The following CES3 variants were observed in gnomAD, a reference collection of about 807,000 sequenced individuals.
CES3 encodes carboxylesterase 3.
A neutral mutation model predicts 57.6 loss-of-function variants in CES3; 49 were observed. The observed-to-expected ratio is 0.85, with a 90% CI of 0.68 to 1.08. The LOEUF (loss-of-function observed/expected upper bound fraction) is 1.08. CES3 is among the 50% of genes least tolerant of loss of function. The pLI is 0.00. For missense variants in CES3, 645 were observed against 742.0 expected, an observed-to-expected ratio of 0.87 and a Z score of 1.52; for synonymous variants, 266 against 281.6, an observed-to-expected ratio of 0.94 and a Z score of 0.55.
rs1963891684 is a variant in CES3, at chr16:66,974,055, G to C, written c.*1006G>C. ...AGAAAAGAAGAGACCCACCCACTCG[G>C]GCTGCAAAAGGTGAAAAGCACCAAG... On this transcript the variant is annotated 3_prime_UTR_variant, in exon 13 of 13. Coordinates refer to ENST00000303334, the MANE Select transcript of CES3 (RefSeq NM_024922.6). The C allele has an allele frequency of 6.6e-6, 1 of 152,542 alleles. No individual in the cohort carries two copies. The highest frequency in any genetic ancestry group is 6.5e-5 in the Admixed American group (1 of 15,288). The allele number at this position is 152,542 out of a possible 1,614,324, so 9.4% of individuals were successfully genotyped here.
Position 66,966,791 on chromosome 16 carries a change from A to C in CES3, c.988A>C (p.Lys330Gln). 1 of 1,614,146 alleles carries C rather than the reference A, an allele frequency of 6.2e-7. No individual in the cohort carries two copies. Among genetic ancestry groups the C allele is most frequent in the South Asian group, 1.1e-5 (1 of 91,082 alleles). The change falls in exon 8 of 13, where the codon AAG becomes CAG. Residue 330 changes from lysine to glutamine, a missense_variant. Transcript: ENST00000303334. ...VFPKSPKELL[K>Q]EKPFHSVPFL... ...CCCCAAAAGCCCCAAGGAACTCCTG[A>C]AGGAGAAGCCCTTCCACTCTGTGCC... is the stretch of plus-strand genomic sequence containing the variant.
At chr16:66,966,955 G>T in intron 8 of CES3, 90 bp downstream of exon 8, 1 of 1,463,500 alleles carries the variant, frequency 6.8e-7, no homozygotes. Flanking sequence ...TGTGAACGGA[G>T]CACTCCCGTT....
intron 8 of CES3, among the ~76,000 whole-genome samples, chr16:66,967,087 G>T (rs1400844029): frequency 6.6e-6 from 1 of 151,634 alleles, no homozygotes; most frequent in Non-Finnish European, 1.5e-5. Context: ...TTGTTTGTTT[G>T]TTTGTTTGTT....
rs139761285 is a variant in CES3, at chr16:66,973,216, C to T, written c.*167C>T. The stretch of plus-strand genomic sequence containing the variant: ...ATGCTCTTTTGAAATGTCACAAGGC[C>T]GCCTCCCACCTCTGGGGCATTGTAC... On this transcript the variant is annotated 3_prime_UTR_variant, in exon 13 of 13. Coordinates refer to ENST00000303334, the MANE Select transcript of CES3 (RefSeq NM_024922.6). 6.1e-4 allele frequency: 387 copies of T among 633,576 alleles called. 1 individual carries two copies. The highest frequency in any genetic ancestry group is 5.4e-3 in the African/African-American group (295 of 54,514). 39.2% of individuals were successfully genotyped at this position (633,576 alleles called of 1,614,324 possible). A position where few individuals can be genotyped will look rare whatever the true frequency, so the allele number is the denominator to read the frequency against.
At chr16:66,964,544 A>C in intron 5 of CES3, 34 bp downstream of exon 5, 1 of 1,612,498 alleles carries the variant, frequency 6.2e-7, no homozygotes, top group Non-Finnish European at 8.5e-7. Context: ...GATGGTGGCC[A>C]GGAGGGCTCC....
rs201368885 is a variant in CES3 at position 66,966,250 on chromosome 16, G to T, written c.826G>T (p.Ala276Ser). 1 of 1,612,864 alleles carries T rather than the reference G, an allele frequency of 6.2e-7. No homozygotes were observed. Among genetic ancestry groups the T allele is most frequent in the Non-Finnish European group, 8.5e-7 (1 of 1,179,872 alleles). Residue 276 changes from alanine to serine, a missense_variant, in exon 7 of 13, where the codon GCA (alanine) becomes TCA (serine). Ala to Ser is a moderately conservative substitution (Grantham distance 99, BLOSUM62 1). Coordinates refer to ENST00000303334, the MANE Select transcript of CES3 (RefSeq NM_024922.6). ...SHPWPLAQKI[A>S]NTLACSSSSP... ...CTCTTTCATTTGTCCCCAGAAAATC[G>T]CAAACACCTTGGCCTGCAGCTCCAG...
Position 66,974,736 on chromosome 16 carries a change from A to G in CES3, c.*1687A>G, listed in dbSNP as rs370725860. On this transcript the variant is annotated 3_prime_UTR_variant, in exon 13 of 13. Transcript: ENST00000303334. ...GAGAACCTTTATGTCTAGCTAAGGG[A>G]TTGTAAATACACCGATGGGCACTCT... The G allele has an allele frequency of 6.6e-6, 1 of 152,568 alleles. No individual in the cohort carries two copies. The highest frequency in any genetic ancestry group is 2.4e-5 in the African/African-American group (1 of 41,582). The allele number at this position is 152,568 out of a possible 1,614,324, so 9.5% of individuals were successfully genotyped here.
rs1036093014 is a variant in CES3 at position 66,964,365 on chromosome 16, A to T, written c.569A>T (p.Asp190Val). The change falls in exon 5 of 13, where the codon GAT becomes GTT. Residue 190 changes from aspartate to valine, a missense_variant. Coordinates refer to ENST00000303334, the MANE Select transcript of CES3 (RefSeq NM_024922.6). Reference sequence around the variant, plus strand: ...CCCAACACTGCCCCCAGCACTGGAGATGAGCATGCACCTGGCAACCAGGGC... The same window carrying T: ...CCCAACACTGCCCCCAGCACTGGAGTTGAGCATGCACCTGGCAACCAGGGC... Reference protein sequence around the residue: ...LGVLGFFSTGDEHAPGNQGFL... With the variant: ...LGVLGFFSTGVEHAPGNQGFL... 2 of 1,613,722 alleles carry T rather than the reference A, an allele frequency of 1.2e-6. No homozygotes were observed. The highest frequency in any genetic ancestry group is 3.3e-5 in the Admixed American group (2 of 59,990).
chr16:66,963,637 C>G lies in CES3; in HGVS notation c.426+8C>G. Reference sequence around the variant, plus strand: ...GCAGGGTCCGGTAGGCCGGTAGGCACCCCAGAGGGCCCTGTCCACCTGATC... The same window carrying G: ...GCAGGGTCCGGTAGGCCGGTAGGCAGCCCAGAGGGCCCTGTCCACCTGATC... On this transcript the variant is annotated splice_region_variant and intron_variant, in intron 3 of 12. Transcript: ENST00000303334. The surrounding 1 kb of genome is among the most constrained non-coding windows in gnomAD (Gnocchi z 4.9). The G allele has an allele frequency of 6.2e-7, 1 of 1,613,978 alleles. No individual in the cohort carries two copies. The highest frequency in any genetic ancestry group is 8.5e-7 in the Non-Finnish European group (1 of 1,180,026).
chr16:66,970,112 T>G (rs1414627964), intron 9 of CES3, among the ~76,000 whole-genome samples: 2 of 147,298 alleles, frequency 1.4e-5, no homozygotes, highest in Non-Finnish European at 3.0e-5. Context: ...TTTCTTTGTT[T>G]TTTTTTTTTT....
In CES3 at chr16:66,971,209, A is replaced by G. The variant is rs749191877; in HGVS notation, c.1181A>G (p.Glu394Gly). ...GAGATGATGCCCACCGTCATAGATG[A>G]ATACCTAGGAAGCAACTCGGACGCA... is the stretch of plus-strand genomic sequence containing the variant. ...PPEMMPTVIDEYLGSNSDAQA... is the reference protein window; with the variant it reads ...PPEMMPTVIDGYLGSNSDAQA... Residue 394 changes from glutamate to glycine, a missense_variant, in exon 10 of 13, where the codon GAA (glutamate) becomes GGA (glycine). By Grantham distance (98) the Glu-to-Gly change is moderately conservative. Coordinates refer to ENST00000303334, the MANE Select transcript of CES3 (RefSeq NM_024922.6). 9.9e-6 allele frequency: 16 copies of G among 1,613,902 alleles called. No individual in the cohort carries two copies. The highest frequency in any genetic ancestry group is 3.3e-5 in the Admixed American group (2 of 59,974).
intron 6 of CES3, among the ~76,000 whole-genome samples, chr16:66,965,047 C>T (rs573921898): frequency 1.4e-4 from 21 of 152,360 alleles, no homozygotes; most frequent in Admixed American, 6.5e-4. Context: ...CTGCTGCCTG[C>T]GAGCTCTCCA....
At chr16:66,971,092 C>T (rs1963823627) in intron 9 of CES3, 80 bp from the exon 10 acceptor site, 2 of 1,483,044 alleles carry the variant, frequency 1.3e-6, no homozygotes, top group Non-Finnish European at 1.8e-6. Context: ...GGAAGCTATG[C>T]TGGAGAGTTT....
At position 66,964,684 on chromosome 16, in the gene CES3, C is replaced by T. The variant is rs752572690; in HGVS notation, c.776C>T (p.Thr259Ile). The T allele has an allele frequency of 6.2e-7, 1 of 1,613,994 alleles. No homozygotes were observed. Among genetic ancestry groups the T allele is most frequent in the Admixed American group, 1.7e-5 (1 of 59,996 alleles). Reference sequence around the variant, plus strand: ...GCCATCACACAGAGTGGGGTCATCACCACCCCAGGGATCATCGACTCTCAC... The same window carrying T: ...GCCATCACACAGAGTGGGGTCATCATCACCCCAGGGATCATCGACTCTCAC... ...HRAITQSGVI[T>I]TPGIIDSHPW... is the part of the protein sequence containing the mutation. The change falls in exon 6 of 13, where the codon ACC (threonine) becomes ATC (isoleucine). Residue 259 changes from threonine to isoleucine, a missense_variant. By Grantham distance (89) the Thr-to-Ile change is moderately conservative. Transcript: ENST00000303334.
chr16:66,963,983 C>T lies in CES3; in HGVS notation c.560+48C>T. The T allele has an allele frequency of 1.3e-6, 2 of 1,593,096 alleles. No homozygotes were observed. Among genetic ancestry groups the T allele is most frequent in the Non-Finnish European group, 1.7e-6 (2 of 1,163,948 alleles). ...AGCACTGCCTGCACCGGGGAGAGGC[C>T]AGCTCACCAGAGCAACTGGGGATCT... On this transcript the variant is annotated intron_variant, in intron 4 of 12. Transcript: ENST00000303334. This position sits in a 1 kb window ranked among gnomAD's most constrained non-coding sequence, Gnocchi z 4.9.
intron 8 of CES3, 46 bp from the exon 9 acceptor site, chr16:66,969,633 G>C: frequency 1.3e-6 from 2 of 1,577,458 alleles, no homozygotes; most frequent in Non-Finnish European, 1.7e-6. Flanking sequence ...GAGTCGGGGT[G>C]AGCCGGTGGT....
At position 66,973,293 on chromosome 16, in the gene CES3, C is replaced by T. The variant is rs1253564613; in HGVS notation, c.*244C>T. ...TTTCCTGCTTTCTTCGTGGTAGGTTCTAGCACATTCCTCTAGCTTCCTGGA... is the reference window on the plus strand; with the variant it reads ...TTTCCTGCTTTCTTCGTGGTAGGTTTTAGCACATTCCTCTAGCTTCCTGGA... On this transcript the variant is annotated 3_prime_UTR_variant, in exon 13 of 13. Transcript: ENST00000303334. 1.0e-5 allele frequency: 5 copies of T among 485,374 alleles called. No homozygotes were observed. Among genetic ancestry groups the T allele is most frequent in the Non-Finnish European group, 1.9e-5 (5 of 268,646 alleles). 30.1% of individuals were successfully genotyped at this position (485,374 alleles called of 1,614,324 possible).
chr16:66,969,503 C>T (rs573026184), intron 8 of CES3, among the ~76,000 whole-genome samples, 176 bp from the exon 9 acceptor site: 1 of 152,356 alleles, frequency 6.6e-6, no homozygotes, highest in South Asian at 2.1e-4. Context: ...CACCAACCAC[C>T]TCCCACCAAT....
chr16:66,962,106 G>T (rs534627537), intron 1 of CES3, among the ~76,000 whole-genome samples: 1 of 152,202 alleles, frequency 6.6e-6, no homozygotes, highest in Non-Finnish European at 1.5e-5. Context: ...GAATAGGCAA[G>T]GCAGGCTAAA....
Sources: gnomAD v4.1 joint callset for allele counts (sites outside exome capture counted in the v4.1 genomes callset) on GRCh38, gnomAD v4.1.1 for gene constraint, Gnocchi (gnomAD v3.1) non-coding constraint, MANE v1.5 for transcripts, NCBI Gene and HGNC (gene_info 2026-07-23, HGNC 2026-07-21) for gene names.